ACER1: variants seen among roughly 807,000 people sequenced by gnomAD.
ACER1 encodes alkaline ceramidase 1, also known as CTB-180A7.3.
Under a neutral mutation model 24.9 loss-of-function variants are expected in ACER1, and 28 were observed. The ratio of observed to expected loss-of-function variants is 1.13; its 90% CI spans 0.83 to 1.54. ACER1 has a LOEUF of 1.54. Ranked by LOEUF, ACER1 falls within the 40% of genes most tolerant of loss-of-function variation. ACER1 has a pLI of 0.00. For synonymous variants in ACER1, 132 were observed against 131.4 expected (o/e 1.00, Z -0.03); for missense variants, 352 against 349.3 (o/e 1.01, Z -0.06).
At chr19:6,355,634 C>G in the ACER1 span, among the ~76,000 whole-genome samples, 1 of 135,666 alleles carries the variant, frequency 7.4e-6, no homozygotes, top group Admixed American at 7.0e-5. Flanking sequence ...GGGGGTCAGC[C>G]CCCCGCCCGG....
At chr19:6,339,115 G>A in the ACER1 span, among the ~76,000 whole-genome samples, 1 of 151,806 alleles carries the variant, frequency 6.6e-6, no homozygotes, top group African/African-American at 2.4e-5. Flanking sequence ...GACCTCAGGT[G>A]ATCCGCCTGC....
chr19:6,335,905 T>TA (rs2091712666), upstream of ACER1, among the ~76,000 whole-genome samples: 2 of 150,620 alleles, frequency 1.3e-5, no homozygotes, highest in African/African-American at 4.9e-5. Flanking sequence ...CTTTTTCTTT[T>TA]CTTTTTTTTT....
intron 1 of ACER1, among the ~76,000 whole-genome samples, chr19:6,315,392 T>C (rs1307041948): frequency 6.6e-6 from 1 of 150,506 alleles, no homozygotes; most frequent in Non-Finnish European, 1.5e-5. Context: ...TTTTGTTTTG[T>C]TTTTTGAGAC....
chr19:6,309,137 G>T (rs531711235), intron 4 of ACER1, among the ~76,000 whole-genome samples: 78 of 152,168 alleles, frequency 5.1e-4, no homozygotes, highest in Middle Eastern at 6.8e-3. Flanking sequence ...GGCAGAGTTT[G>T]CAGTGAGCTG....
chr19:6,327,887 C>T (rs933470399), intron 1 of ACER1, among the ~76,000 whole-genome samples: 4 of 150,938 alleles, frequency 2.7e-5, no homozygotes, highest in African/African-American at 9.8e-5. Context: ...CCAGCCTGGC[C>T]AACATGGTGA....
chr19:6,321,762 C>G (rs1268332655), intron 1 of ACER1, among the ~76,000 whole-genome samples: 1 of 152,190 alleles, frequency 6.6e-6, no homozygotes, highest in Non-Finnish European at 1.5e-5. Context: ...CACGTGCCAC[C>G]ACATCTGGTT....
At chr19:6,347,750 C>T in the ACER1 span, among the ~76,000 whole-genome samples, 1 of 152,068 alleles carries the variant, frequency 6.6e-6, no homozygotes, top group Non-Finnish European at 1.5e-5. Flanking sequence ...GCAGGAGAAT[C>T]GCTTGAACCC....
At chr19:6,323,483 C>T (rs923704538) in intron 1 of ACER1, among the ~76,000 whole-genome samples, 1 of 152,104 alleles carries the variant, frequency 6.6e-6, no homozygotes, top group Admixed American at 6.6e-5. Flanking sequence ...TTCTCTTTGC[C>T]TGCTGCCATC....
intron 5 of ACER1, 87 bp from the exon 6 acceptor site, chr19:6,306,969 C>A: frequency 3.3e-6 from 5 of 1,519,326 alleles, no homozygotes; most frequent in South Asian, 1.3e-5. Flanking sequence ...GGCTCTTGAC[C>A]ATCCATCCAG....
the ACER1 span, among the ~76,000 whole-genome samples, chr19:6,350,142 A>T: frequency 2.0e-5 from 3 of 151,752 alleles, no homozygotes; most frequent in Admixed American, 2.0e-4. Flanking sequence ...TGTCAAAAGA[A>T]AAAGGAAAGA....
intron 1 of ACER1, among the ~76,000 whole-genome samples, chr19:6,323,079 T>C (rs2091639143): frequency 6.6e-6 from 1 of 151,780 alleles, no homozygotes; most frequent in Non-Finnish European, 1.5e-5. Flanking sequence ...GCCATTGCAC[T>C]CCAGCCTGGG....
chr19:6,326,327 C>T (rs373321522), intron 1 of ACER1, among the ~76,000 whole-genome samples: 1 of 151,966 alleles, frequency 6.6e-6, no homozygotes, highest in Non-Finnish European at 1.5e-5. Context: ...GGGGTTTCAC[C>T]GTGTTAGCCA....
chr19:6,329,530 T>C (rs546924805), intron 1 of ACER1, among the ~76,000 whole-genome samples: 2 of 152,240 alleles, frequency 1.3e-5, no homozygotes, highest in East Asian at 1.9e-4. Context: ...TCTTTCATAA[T>C]AGGTGTTCTG....
chr19:6,313,238 C>T (rs377200037), intron 1 of ACER1, among the ~76,000 whole-genome samples: 2 of 151,722 alleles, frequency 1.3e-5, no homozygotes, highest in South Asian at 4.2e-4. Flanking sequence ...CCTGCCTCAG[C>T]CTCCCGAGTA....
At chr19:6,312,022 CA>C in intron 3 of ACER1, 126 bp downstream of exon 3, 1 of 1,294,822 alleles carries the variant, frequency 7.7e-7, no homozygotes, top group East Asian at 2.6e-5. Context: ...CCGAAGTGGT[CA>C]GGGGAGGAAT....
the ACER1 span, among the ~76,000 whole-genome samples, chr19:6,350,631 G>A: frequency 0.025 from 3,644 of 145,968 alleles, 139 homozygotes; most frequent in African/African-American, 0.086. Flanking sequence ...GGGAAGGAGG[G>A]AGGGAGAGAG....
the ACER1 span, among the ~76,000 whole-genome samples, chr19:6,348,644 A>G: frequency 6.6e-6 from 1 of 152,094 alleles, no homozygotes; most frequent in South Asian, 2.1e-4. Flanking sequence ...GGAATGCTCC[A>G]CAGGCATTAA....
At chr19:6,324,152 C>A in intron 1 of ACER1, among the ~76,000 whole-genome samples, 1 of 151,956 alleles carries the variant, frequency 6.6e-6, no homozygotes, top group East Asian at 1.9e-4. Context: ...TCAAGCGATT[C>A]TCCTGCCTCA....
At chr19:6,312,975 G>C (rs1203046898) in intron 1 of ACER1, among the ~76,000 whole-genome samples, 2 of 152,070 alleles carry the variant, frequency 1.3e-5, no homozygotes, top group South Asian at 2.1e-4. Context: ...ACCGCACCTA[G>C]CCACTTTTCA....
Sources: gnomAD v4.1 joint callset for allele counts (sites outside exome capture counted in the v4.1 genomes callset) on GRCh38, gnomAD v4.1.1 for gene constraint, MANE v1.5 for transcripts, NCBI Gene and HGNC (gene_info 2026-07-23, HGNC 2026-07-21) for gene names.